CLEC1B: variants seen among roughly 807,000 people sequenced by gnomAD.
CLEC1B encodes the protein C-type lectin domain family 1 member B.
A neutral mutation model predicts 26.7 loss-of-function variants in CLEC1B; 26 were observed. The ratio of observed to expected loss-of-function variants is 0.97; its 90% CI spans 0.71 to 1.35. CLEC1B has a LOEUF of 1.35. Ranked by LOEUF, CLEC1B falls within the 40% of genes most tolerant of loss-of-function variation. The probability of loss-of-function intolerance (pLI) is 0.00; values close to 1 mark genes in which losing one functional copy is unlikely to be tolerated. For synonymous variants in CLEC1B, 112 were observed against 96.0 expected (o/e 1.17, Z -0.97); for missense variants, 293 against 282.6 (o/e 1.04, Z -0.26).
intron 5 of CLEC1B, among the ~76,000 whole-genome samples, chr12:9,994,806 C>CAAA (rs1180363463): frequency 6.7e-6 from 1 of 149,656 alleles, no homozygotes; most frequent in Non-Finnish European, 1.5e-5. Flanking sequence ...AAGCAAAACA[C>CAAA]AAAAACACAC....
At chr12:9,993,379 G>C (rs1310887450) in intron 5 of CLEC1B, 92 bp from the exon 6 acceptor site, 9 of 797,310 alleles carry the variant, frequency 1.1e-5, no homozygotes, top group Non-Finnish European at 1.8e-5. Flanking sequence ...GCACCAAATA[G>C]AGACTGAGGA....
At chr12:9,994,900 A>G in intron 5 of CLEC1B, 2 of 1,054,878 alleles carry the variant, frequency 1.9e-6, no homozygotes, top group South Asian at 3.0e-5. Flanking sequence ...GGTTGAATGT[A>G]AAAATGAATG....
At position 9,999,092 on chromosome 12, in the gene CLEC1B, A is replaced by G. The variant is rs1296641824; in HGVS notation, c.9T>C (p.Asp3=). The G allele has an allele frequency of 6.2e-7, 1 of 1,609,258 alleles. No individual in the cohort carries two copies. Among genetic ancestry groups the G allele is most frequent in the South Asian group, 1.1e-5 (1 of 90,362 alleles). ...TATTTAAGGTGATGTATCCATCTTC[A>G]TCCTGCATGGCTTCCCGAGTACTGC... MQ[D]EDGYITLNIK... is the part of the protein sequence containing the mutation. The change falls in exon 1 of 6, where the codon GAT becomes GAC. Residue 3 remains aspartate, a synonymous_variant. Coordinates refer to ENST00000298527, the MANE Select transcript of CLEC1B (RefSeq NM_016509.4).
chr12:10,000,833 C>G (rs1865149905), upstream of CLEC1B, among the ~76,000 whole-genome samples: 1 of 152,244 alleles, frequency 6.6e-6, no homozygotes, highest in Non-Finnish European at 1.5e-5. Flanking sequence ...TGAGGCTATT[C>G]TGTCACAGTA....
At position 9,996,964 on chromosome 12, in the gene CLEC1B, C is replaced by T. The variant is rs367744891; in HGVS notation, c.320G>A (p.Arg107Lys). Residue 107 changes from arginine to lysine, a missense_variant, in exon 4 of 6, where the codon AGA becomes AAA. Coordinates refer to ENST00000298527, the MANE Select transcript of CLEC1B (RefSeq NM_016509.4). Reference sequence around the variant, plus strand: ...CCCATAGCAGCTATCTCCATAATATCTCCAGTTTGTGTCACAGGGGCTGCA... The same window carrying T: ...CCCATAGCAGCTATCTCCATAATATTTCCAGTTTGTGTCACAGGGGCTGCA... ...HKCSPCDTNWRYYGDSCYGFF... is the reference protein window; with the variant it reads ...HKCSPCDTNWKYYGDSCYGFF... The T allele has an allele frequency of 4.0e-5, 64 of 1,613,966 alleles. No homozygotes were observed. The highest frequency in any genetic ancestry group is 5.3e-5 in the Non-Finnish European group (63 of 1,179,984).
In CLEC1B at chr12:9,995,139, C is replaced by T. The variant is rs1865007662; in HGVS notation, c.545+1G>A. The T allele has an allele frequency of 2.5e-6, 4 of 1,612,076 alleles. No homozygotes were observed. Among genetic ancestry groups the T allele is most frequent in the Non-Finnish European group, 3.4e-6 (4 of 1,178,466 alleles). On this transcript the variant is annotated splice_donor_variant, in intron 5 of 5. Coordinates refer to ENST00000298527, the MANE Select transcript of CLEC1B (RefSeq NM_016509.4). LOFTEE classifies it high-confidence loss of function. ...CCTATTCTAAGTGTCCAGTGACTTA[C>T]ATATTTTCTGAGATAACCGAGCCAT...
chr12:10,000,138 C>A (rs746688916), upstream of CLEC1B, among the ~76,000 whole-genome samples: 1 of 152,098 alleles, frequency 6.6e-6, no homozygotes, highest in Non-Finnish European at 1.5e-5. Flanking sequence ...CCATGACTAG[C>A]AAAGCTTTAA....
intron 4 of CLEC1B, 125 bp from the exon 5 acceptor site, chr12:9,995,371 G>T: frequency 7.5e-6 from 6 of 800,022 alleles, no homozygotes; most frequent in Non-Finnish European, 1.3e-5. Flanking sequence ...TAGTATTAAT[G>T]GATTACATTT....
chr12:9,993,984 G>A (rs1049234163), intron 5 of CLEC1B, among the ~76,000 whole-genome samples: 5 of 152,122 alleles, frequency 3.3e-5, no homozygotes, highest in South Asian at 2.1e-4. Context: ...TAAGTGGGGC[G>A]ATACCGGTAA....
chr12:9,995,553 T>C (rs1483324070), intron 4 of CLEC1B: 5 of 362,222 alleles, frequency 1.4e-5, no homozygotes, highest in Admixed American at 7.9e-5. Context: ...ATACCAAATA[T>C]GATTCAAAGG....
chr12:9,999,280 G>A, upstream of CLEC1B: 1 of 489,066 alleles, frequency 2.0e-6, no homozygotes, highest in Admixed American at 3.6e-5. Context: ...CTTCTTCATA[G>A]CTGCTCAGAG....
At position 9,995,927 on chromosome 12, in the gene CLEC1B, A is replaced by T. The variant is rs192633836; in HGVS notation, c.439-681T>A. Among the ~76,000 whole-genome samples the T allele has an allele frequency of 2.8e-4, 42 of 152,300 alleles. No homozygotes were observed. The East Asian group carries it at 4.6e-3, about 17-fold the overall frequency. ...TCTGTCTTACTAACTGCATAGGTCCAAATTCTGGAATAGTTTCAGCACATA... is the reference window on the plus strand; with the variant it reads ...TCTGTCTTACTAACTGCATAGGTCCTAATTCTGGAATAGTTTCAGCACATA... On this transcript the variant is annotated intron_variant, in intron 4 of 5. Transcript: ENST00000298527.
chr12:9,999,657 T>A (rs536734447), upstream of CLEC1B, among the ~76,000 whole-genome samples: 40 of 152,212 alleles, frequency 2.6e-4, no homozygotes, highest in Admixed American at 1.6e-3. Context: ...TTACACAACT[T>A]CTTGCATATT....
At position 9,994,675 on chromosome 12, in the gene CLEC1B, C is replaced by T. The variant is rs74928872; in HGVS notation, c.545+465G>A. Among the ~76,000 whole-genome samples the T allele has an allele frequency of 9.0e-3, 1,368 of 152,068 alleles. 18 individuals are homozygous for T. Among genetic ancestry groups the T allele is most frequent in the African/African-American group, 0.031 (1,294 of 41,484 alleles). ...AATGTATCGAATTCTTGGAGACTCC[C>T]AGAATAGAGGAATAGGCAAAACAAT... On this transcript the variant is annotated intron_variant, in intron 5 of 5. Coordinates refer to ENST00000298527, the MANE Select transcript of CLEC1B (RefSeq NM_016509.4).
In CLEC1B at chr12:9,998,271, T is replaced by A; in HGVS notation, c.163+11A>T. ...TCCTCCAGTCAAATTTCTGGCAGAGTCAACACTTACACCAAATCCCCAGAG... is the reference window on the plus strand; with the variant it reads ...TCCTCCAGTCAAATTTCTGGCAGAGACAACACTTACACCAAATCCCCAGAG... On this transcript the variant is annotated intron_variant, in intron 2 of 5. Coordinates refer to ENST00000298527, the MANE Select transcript of CLEC1B (RefSeq NM_016509.4). 1 of 1,609,750 alleles carries A rather than the reference T, an allele frequency of 6.2e-7. No individual in the cohort carries two copies. The highest frequency in any genetic ancestry group is 8.5e-7 in the Non-Finnish European group (1 of 1,176,622).
intron 5 of CLEC1B, 176 bp downstream of exon 5, chr12:9,994,964 T>G: frequency 6.7e-7 from 1 of 1,483,984 alleles, no homozygotes; most frequent in African/African-American, 1.4e-5. Context: ...AGCAAAGTAA[T>G]GGGAGAGAGG....
At chr12:9,996,518 T>G (rs1398014614) in intron 4 of CLEC1B, among the ~76,000 whole-genome samples, 1 of 148,002 alleles carries the variant, frequency 6.8e-6, no homozygotes, top group Non-Finnish European at 1.5e-5. Context: ...ACAGAAACAG[T>G]AAGTGGACAG....
At chr12:9,997,057 T>C in intron 3 of CLEC1B, 57 bp from the exon 4 acceptor site, 1 of 1,610,432 alleles carries the variant, frequency 6.2e-7, no homozygotes, top group Non-Finnish European at 8.5e-7. Flanking sequence ...TTACATTTTC[T>C]TCACATTCAA....
chr12:9,998,073 T>G (rs1221833664), intron 2 of CLEC1B, among the ~76,000 whole-genome samples: 1 of 152,150 alleles, frequency 6.6e-6, no homozygotes, highest in Non-Finnish European at 1.5e-5. Flanking sequence ...AAAATAACTT[T>G]TCATTAGTTA....
Sources: allele counts gnomAD v4.1 joint callset (sites outside exome capture counted in the v4.1 genomes callset), GRCh38; gene constraint gnomAD v4.1.1; transcripts MANE v1.5; gene names NCBI Gene and HGNC (gene_info 2026-07-23, HGNC 2026-07-21).